The following PCDHA6 variants were observed in gnomAD, a reference collection of about 807,000 sequenced individuals.
The protein encoded by PCDHA6 is protocadherin alpha-6.
A neutral mutation model predicts 60.3 loss-of-function variants in PCDHA6; 55 were observed. The observed-to-expected ratio is 0.91, with a 90% confidence interval of 0.73 to 1.14. The LOEUF (loss-of-function observed/expected upper bound fraction) is 1.14. PCDHA6 is among the 50% of genes most tolerant of loss of function. PCDHA6 has a pLI of 0.00. For missense variants in PCDHA6, 1,327 were observed against 1,256.5 expected, an observed-to-expected ratio of 1.06 and a Z score of -0.85; for synonymous variants, 652 against 557.9, an observed-to-expected ratio of 1.17 and a Z score of -2.38.
At chr5:140,961,617 C>A (rs781986571) in intron 1 of PCDHA6, among the ~76,000 whole-genome samples, 47 of 152,204 alleles carry the variant, frequency 3.1e-4, no homozygotes, top group Middle Eastern at 3.4e-3. Context: ...AACTAAAGTG[C>A]CCATATGAAA....
intron 1 of PCDHA6, chr5:140,929,073 T>C (rs782591499): frequency 1.9e-6 from 3 of 1,614,200 alleles, no homozygotes; most frequent in Non-Finnish European, 2.5e-6. Flanking sequence ...ATCTGAGGTA[T>C]GGAAGTAAGA....
intron 1 of PCDHA6, among the ~76,000 whole-genome samples, chr5:140,833,257 C>T (rs1170733217): frequency 6.6e-6 from 1 of 152,092 alleles, no homozygotes; most frequent in African/African-American, 2.4e-5. Flanking sequence ...ACCAGGAGAG[C>T]AGCAATTATA....
chr5:140,903,420 G>A (rs1562939328), intron 1 of PCDHA6, among the ~76,000 whole-genome samples: 1 of 152,150 alleles, frequency 6.6e-6, no homozygotes, highest in Non-Finnish European at 1.5e-5. Flanking sequence ...GAAAAATTCA[G>A]CACAATATGT....
chr5:140,916,193 C>T lies in PCDHA6; in HGVS notation c.2395-62756C>T, dbSNP rs536117096. On this transcript the variant is annotated intron_variant, in intron 1 of 3. Transcript: ENST00000529310. ...CTGGGACTCTTCAAGGAAGTGGGCACCCCTCTGCCCTGGGGAAGATCCAAA... is the reference window on the plus strand; with the variant it reads ...CTGGGACTCTTCAAGGAAGTGGGCATCCCTCTGCCCTGGGGAAGATCCAAA... 1.6e-4 allele frequency among the ~76,000 whole-genome samples: 25 copies of T among 152,256 alleles called. No individual in the cohort carries two copies. In the South Asian group the frequency reaches 5.0e-3, roughly 30 times the overall value.
intron 1 of PCDHA6, chr5:140,871,239 C>G: frequency 6.2e-7 from 1 of 1,613,976 alleles, no homozygotes; most frequent in Non-Finnish European, 8.5e-7. Context: ...TCCTGGTACT[C>G]ACGCTGCTGC....
chr5:140,917,067 C>T (rs375970452), intron 1 of PCDHA6, among the ~76,000 whole-genome samples: 3 of 152,178 alleles, frequency 2.0e-5, no homozygotes, highest in African/African-American at 4.8e-5. Context: ...ACGACAGCAC[C>T]GAGTTTAATG....
At chr5:140,909,972 T>C (rs948733470) in intron 1 of PCDHA6, among the ~76,000 whole-genome samples, 1 of 152,220 alleles carries the variant, frequency 6.6e-6, no homozygotes. Context: ...TGGGGAAGGA[T>C]GGGAGAAAGA....
At chr5:140,959,499 C>T (rs2095491321) in intron 1 of PCDHA6, among the ~76,000 whole-genome samples, 1 of 151,982 alleles carries the variant, frequency 6.6e-6, no homozygotes. Flanking sequence ...ATGGATCAAA[C>T]TAAAAAATTT....
intron 1 of PCDHA6, chr5:140,928,916 G>A (rs1287378711): frequency 5.0e-6 from 8 of 1,613,988 alleles, no homozygotes; most frequent in East Asian, 2.2e-5. Flanking sequence ...GAACCAGGAG[G>A]GCAGCTTTCT....
chr5:140,891,226 C>T (rs1417836006), intron 1 of PCDHA6, among the ~76,000 whole-genome samples: 1 of 152,026 alleles, frequency 6.6e-6, no homozygotes, highest in Admixed American at 6.6e-5. Flanking sequence ...TTATAATCAT[C>T]CTGTTCTGGA....
chr5:140,991,374 G>A (rs537981449), intron 3 of PCDHA6, among the ~76,000 whole-genome samples: 2 of 152,286 alleles, frequency 1.3e-5, no homozygotes, highest in South Asian at 4.1e-4. Context: ...TGAGTTCTAG[G>A]CCAACTGTAG....
Position 140,993,509 on chromosome 5 carries a change from CGGGGAGAGAG to C in PCDHA6, c.2542+10947_2542+10956del, listed in dbSNP as rs2097568307. Among the ~76,000 whole-genome samples, 3 of 143,488 alleles carry C rather than the reference CGGGGAGAGAG, an allele frequency of 2.1e-5. No homozygotes were observed. In the Admixed American group the frequency reaches 2.1e-4, roughly 10 times the overall value. 94.1% of individuals were successfully genotyped at this position (143,488 alleles called of 152,430 possible). A position where few individuals can be genotyped will look rare whatever the true frequency, so the allele number is the denominator to read the frequency against. On this transcript the variant is annotated intron_variant, in intron 3 of 3. Coordinates refer to ENST00000529310, the MANE Select transcript of PCDHA6 (RefSeq NM_018909.4). Reference sequence around the variant, plus strand: ...ACACACACACACACACACACACACACGGGGAGAGAGAGACAGAGAGAGAGAGAGATAGAGA... The same window carrying C: ...ACACACACACACACACACACACACACAGACAGAGAGAGAGAGAGATAGAGA...
chr5:141,001,387 C>T (rs1282982040), intron 3 of PCDHA6, among the ~76,000 whole-genome samples: 3 of 152,188 alleles, frequency 2.0e-5, no homozygotes, highest in African/African-American at 7.2e-5. Context: ...GCCTAAGATC[C>T]TACAGAGAAC....
At chr5:140,976,753 G>A (rs2096729890) in intron 1 of PCDHA6, among the ~76,000 whole-genome samples, 1 of 152,130 alleles carries the variant, frequency 6.6e-6, no homozygotes. Context: ...CCTCCCAGAT[G>A]CCAGAAGCCT....
intron 1 of PCDHA6, chr5:140,875,596 G>C (rs1554167787): frequency 1.9e-6 from 3 of 1,613,938 alleles, no homozygotes; most frequent in African/African-American, 2.7e-5. Flanking sequence ...GGCCAAACAC[G>C]GCACCTTCGT....
chr5:140,836,884 T>C (rs1387111400), intron 1 of PCDHA6: 2 of 642,656 alleles, frequency 3.1e-6, no homozygotes, highest in African/African-American at 3.7e-5. Context: ...TTGCACTAAT[T>C]ATTTGGAAGT....
rs1307934746 is a variant in PCDHA6, at chr5:140,846,014, A to C, written c.2394+15529A>C. 1.3e-5 allele frequency among the ~76,000 whole-genome samples: 2 copies of C among 149,776 alleles called. 1 individual carries two copies. Among genetic ancestry groups the C allele is most frequent in the Non-Finnish European group, 3.0e-5 (2 of 66,864 alleles). On this transcript the variant is annotated intron_variant, in intron 1 of 3. Transcript: ENST00000529310. ...TGTGGTGGAATGAAAAAAATCTAAA[A>C]GTTATTACGAGTTTAGGAAAGTCAA...
At chr5:140,968,345 G>A in intron 1 of PCDHA6, 2 of 1,614,132 alleles carry the variant, frequency 1.2e-6, no homozygotes, top group Non-Finnish European at 8.5e-7. Flanking sequence ...CATTAACAGT[G>A]CCAGTGGCAG....
intron 1 of PCDHA6, chr5:140,926,714 C>G: frequency 1.1e-6 from 1 of 951,084 alleles, no homozygotes; most frequent in Non-Finnish European, 1.4e-6. Context: ...TGGCCAGCCC[C>G]GGCAATGCCG....
Sources: gnomAD v4.1 joint callset for allele counts (sites outside exome capture counted in the v4.1 genomes callset) on GRCh38, gnomAD v4.1.1 for gene constraint, MANE v1.5 for transcripts, NCBI Gene and HGNC (gene_info 2026-07-23, HGNC 2026-07-21) for gene names.